CTNND2: variants seen among roughly 807,000 people sequenced by gnomAD.
CTNND2 encodes catenin delta-2.
In CTNND2, 22 loss-of-function variants were observed where a neutral mutation model predicts 144.4. That is an observed-to-expected ratio of 0.15 (90% confidence interval 0.11 to 0.22). The LOEUF (loss-of-function observed/expected upper bound fraction) is 0.22, where lower values mean the gene tolerates loss of function less well. Among genes scored for constraint, CTNND2 ranks in the 10% least tolerant of loss-of-function variants. CTNND2 has a pLI of 1.00. For synonymous variants in CTNND2, 751 were observed against 695.6 expected (o/e 1.08, Z -1.25); for missense variants, 1,353 against 1,618.8 (o/e 0.84, Z 2.82).
intron 14 of CTNND2, among the ~76,000 whole-genome samples, chr5:11,103,083 G>C (rs1752075853): frequency 6.8e-6 from 1 of 147,092 alleles, no homozygotes; most frequent in Admixed American, 6.9e-5. Flanking sequence ...CTGGGTTGGA[G>C]CAATTCTCCT....
intron 16 of CTNND2, among the ~76,000 whole-genome samples, chr5:11,029,799 C>G (rs1361966085): frequency 6.6e-6 from 1 of 152,016 alleles, no homozygotes; most frequent in Non-Finnish European, 1.5e-5. Flanking sequence ...CATTATAAAC[C>G]ATTGTTAAAA....
chr5:11,293,509 C>T (rs922716762), intron 9 of CTNND2, among the ~76,000 whole-genome samples: 5 of 152,070 alleles, frequency 3.3e-5, no homozygotes, highest in African/African-American at 1.2e-4. Context: ...CACATTTTTA[C>T]TGTTTCTTTT....
chr5:11,747,831 A>T (rs1788396497), intron 1 of CTNND2, among the ~76,000 whole-genome samples: 1 of 152,152 alleles, frequency 6.6e-6, no homozygotes, highest in African/African-American at 2.4e-5. Context: ...CCAGCCACAC[A>T]GTGGTTCGCA....
chr5:11,421,061 T>C (rs2149853310), intron 3 of CTNND2, among the ~76,000 whole-genome samples: 1 of 152,266 alleles, frequency 6.6e-6, no homozygotes, highest in African/African-American at 2.4e-5. Context: ...CCAAACTGGC[T>C]AAGACTAGCG....
At chr5:11,460,559 G>C (rs959148695) in intron 3 of CTNND2, among the ~76,000 whole-genome samples, 1 of 152,090 alleles carries the variant, frequency 6.6e-6, no homozygotes, top group Admixed American at 6.5e-5. Flanking sequence ...CCCCCATTGG[G>C]GGCCCCTGTG....
At chr5:11,077,225 A>C (rs565026120) in intron 16 of CTNND2, among the ~76,000 whole-genome samples, 1 of 152,336 alleles carries the variant, frequency 6.6e-6, no homozygotes, top group South Asian at 2.1e-4. Context: ...TCTGCTCTTA[A>C]CAGGCTTACC....
chr5:11,195,247 C>A lies in CTNND2; in HGVS notation c.1975+4201G>T, dbSNP rs181161558. Among the ~76,000 whole-genome samples the A allele has an allele frequency of 4.6e-5, 7 of 151,678 alleles. No homozygotes were observed. The East Asian group carries it at 1.2e-3, about 25-fold the overall frequency. ...TTAAAATTAAATTATAGAAAATATT[C>A]CTGAGAAAAAGAATTTTCCATCTAG... On this transcript the variant is annotated intron_variant, in intron 11 of 21. Transcript: ENST00000304623.
chr5:11,882,719 A>G (rs1246608695), intron 1 of CTNND2, among the ~76,000 whole-genome samples: 1 of 152,166 alleles, frequency 6.6e-6, no homozygotes, highest in Admixed American at 6.6e-5. Context: ...GATTTATAGT[A>G]TATTTTAGAG....
At chr5:11,724,216 A>G (rs1283960080) in intron 2 of CTNND2, among the ~76,000 whole-genome samples, 1 of 152,262 alleles carries the variant, frequency 6.6e-6, no homozygotes, top group East Asian at 1.9e-4. Context: ...AGCTCCTAGT[A>G]TGGTAATTTC....
chr5:11,831,645 C>G (rs1266902891), intron 1 of CTNND2, among the ~76,000 whole-genome samples: 2 of 143,300 alleles, frequency 1.4e-5, no homozygotes, highest in Non-Finnish European at 3.0e-5. Flanking sequence ...CCAGCCAGGG[C>G]AACAGAGGGA....
At chr5:11,073,308 A>G (rs1410175362) in intron 16 of CTNND2, among the ~76,000 whole-genome samples, 1 of 152,166 alleles carries the variant, frequency 6.6e-6, no homozygotes, top group East Asian at 1.9e-4. Context: ...ATTTGAGGAG[A>G]GCCATTTCAT....
At chr5:11,282,842 G>T (rs1428015787) in intron 9 of CTNND2, among the ~76,000 whole-genome samples, 1 of 152,254 alleles carries the variant, frequency 6.6e-6, no homozygotes, top group African/African-American at 2.4e-5. Flanking sequence ...CTAACAACAA[G>T]TAATGCCCTG....
chr5:11,621,624 T>C (rs1267550604), intron 2 of CTNND2, among the ~76,000 whole-genome samples: 2 of 152,220 alleles, frequency 1.3e-5, no homozygotes, highest in Non-Finnish European at 1.5e-5. Context: ...GTACAGTTTA[T>C]TTTATTTAGA....
At chr5:11,836,006 T>C (rs990361957) in intron 1 of CTNND2, among the ~76,000 whole-genome samples, 1 of 152,184 alleles carries the variant, frequency 6.6e-6, no homozygotes, top group Non-Finnish European at 1.5e-5. Context: ...AAATTTTTGA[T>C]ACAATGCATT....
chr5:11,607,046 A>C (rs149192235), intron 2 of CTNND2, among the ~76,000 whole-genome samples: 1 of 152,310 alleles, frequency 6.6e-6, no homozygotes, highest in African/African-American at 2.4e-5. Context: ...CACAGGAAGA[A>C]TGTTATATGA....
chr5:11,470,970 ATATATATATATT>A lies in CTNND2; in HGVS notation c.288-58913_288-58902del, dbSNP rs1476568023. Among the ~76,000 whole-genome samples the A allele has an allele frequency of 1.6e-4, 16 of 97,228 alleles. No individual in the cohort carries two copies. In the South Asian group the frequency reaches 1.8e-3, roughly 11 times the overall value. The allele number at this position is 97,228 out of a possible 152,430, so 63.8% of individuals were successfully genotyped here. ...TGATACAAAGTATATATATATATATATATATATATATTTTTTTTTTTTTTTTAGATGGAGTCT... is the reference window on the plus strand; with the variant it reads ...TGATACAAAGTATATATATATATATATTTTTTTTTTTTTTAGATGGAGTCT... On this transcript the variant is annotated intron_variant, in intron 3 of 21. Transcript: ENST00000304623.
intron 3 of CTNND2, among the ~76,000 whole-genome samples, chr5:11,519,299 T>C (rs996479069): frequency 6.6e-6 from 1 of 152,178 alleles, no homozygotes; most frequent in Admixed American, 6.5e-5. Flanking sequence ...CCTACTTTAA[T>C]TGGACTTTTG....
intron 1 of CTNND2, among the ~76,000 whole-genome samples, chr5:11,784,960 G>A (rs1790749643): frequency 1.3e-5 from 2 of 152,156 alleles, no homozygotes; most frequent in Admixed American, 6.5e-5. Context: ...CTAACTTTGT[G>A]CTAATTTGTT....
chr5:11,346,682 G>C (rs986674350), intron 8 of CTNND2, 55 bp from the exon 9 acceptor site: 7 of 1,407,294 alleles, frequency 5.0e-6, no homozygotes, highest in Non-Finnish European at 6.5e-6. Flanking sequence ...TCACAGAAAT[G>C]GTTAACCAGG....
Sources: allele counts gnomAD v4.1 joint callset (sites outside exome capture counted in the v4.1 genomes callset), GRCh38; gene constraint gnomAD v4.1.1; transcripts MANE v1.5; gene names NCBI Gene and HGNC (gene_info 2026-07-23, HGNC 2026-07-21).